Variants in PKP1 observed in about 807,000 individuals in gnomAD.
The protein encoded by PKP1 is plakophilin-1.
PKP1 carries 27 observed loss-of-function variants against 76.4 expected under a neutral mutation model. The ratio of observed to expected loss-of-function variants is 0.35; its 90% CI spans 0.26 to 0.49. The LOEUF (loss-of-function observed/expected upper bound fraction) is 0.49. Among genes scored for constraint, PKP1 ranks in the 20% least tolerant of loss-of-function variants. PKP1 has a pLI of 0.99. For missense variants in PKP1, 964 were observed against 955.2 expected (o/e 1.01, Z -0.12); for synonymous variants, 404 against 384.2 (o/e 1.05, Z -0.60).
At chr1:201,298,861 C>T (rs184572945) in intron 2 of PKP1, among the ~76,000 whole-genome samples, 1 of 152,270 alleles carries the variant, frequency 6.6e-6, no homozygotes, top group East Asian at 1.9e-4. Flanking sequence ...GGGCCCTTAC[C>T]CTAAGGAGAA....
intron 1 of PKP1, among the ~76,000 whole-genome samples, chr1:201,285,101 C>T (rs1655688135): frequency 6.6e-6 from 1 of 152,070 alleles, no homozygotes; most frequent in Non-Finnish European, 1.5e-5. Flanking sequence ...AGACTTTACC[C>T]ATTACCAAAC....
intron 1 of PKP1, among the ~76,000 whole-genome samples, chr1:201,290,308 G>A (rs1344062176): frequency 6.6e-6 from 1 of 152,172 alleles, no homozygotes; most frequent in African/African-American, 2.4e-5. Flanking sequence ...GGTTCTGTGG[G>A]TGGGCAGATG....
chr1:201,318,350 CG>C (rs1415551981), intron 5 of PKP1, among the ~76,000 whole-genome samples: 5 of 152,216 alleles, frequency 3.3e-5, no homozygotes, highest in African/African-American at 1.2e-4. Context: ...ATCAATCAAA[CG>C]TTTTTTGATC....
chr1:201,303,208 G>C (rs1450976001), intron 2 of PKP1, among the ~76,000 whole-genome samples: 1 of 152,180 alleles, frequency 6.6e-6, no homozygotes, highest in Non-Finnish European at 1.5e-5. Flanking sequence ...TTTAGAGACA[G>C]GGTCTCACTA....
In PKP1 at chr1:201,323,054, C is replaced by A. The variant is rs1288395101; in HGVS notation, c.1545C>A (p.Asn515Lys). 6 of 1,614,052 alleles carry A rather than the reference C, an allele frequency of 3.7e-6. No homozygotes were observed. The African/African-American group carries it at 5.3e-5, about 14-fold the overall frequency. Residue 515 changes from asparagine (N) to lysine (K), a missense_variant, in exon 9 of 14, where the codon AAC (asparagine) becomes AAA (lysine). By Grantham distance (94) the Asn-to-Lys change is moderately conservative. Coordinates refer to ENST00000367324, the MANE Select transcript of PKP1 (RefSeq NM_001005337.3). ...GCCCCCTGCCTGAGGAAGAGACCAA[C>A]CCCAAGGGCAGCGGCTGGTTGTACC... The part of the protein sequence containing the change: ...YDCPLPEEET[N>K]PKGSGWLYHS...
At chr1:201,312,689 C>T (rs1051271598) in intron 2 of PKP1, among the ~76,000 whole-genome samples, 8 of 152,164 alleles carry the variant, frequency 5.3e-5, no homozygotes, top group Admixed American at 3.3e-4. Context: ...ATATTTAGAC[C>T]CGTTCTGTGT....
intron 2 of PKP1, among the ~76,000 whole-genome samples, chr1:201,302,285 C>A (rs1558185936): frequency 6.6e-6 from 1 of 152,096 alleles, no homozygotes; most frequent in Non-Finnish European, 1.5e-5. Flanking sequence ...CCTGTGACCT[C>A]ACAGATAGAT....
rs182813491 is a variant in PKP1, at chr1:201,310,232, T to C, written c.307-2934T>C. Among the ~76,000 whole-genome samples the C allele has an allele frequency of 2.6e-5, 4 of 152,356 alleles. No homozygotes were observed. In the East Asian group the frequency reaches 5.8e-4, roughly 22 times the overall value. On this transcript the variant is annotated intron_variant, in intron 2 of 13. Transcript: ENST00000367324. ...TGTCCCTACCGAGCAAACACTCATA[T>C]CGTGGACTGTCCTGAGTGCTTTACT... is the stretch of plus-strand genomic sequence containing the variant.
Position 201,313,612 on chromosome 1 carries a change from C to T in PKP1, c.701+52C>T, listed in dbSNP as rs1209346571. The T allele has an allele frequency of 3.2e-6, 5 of 1,569,350 alleles. No homozygotes were observed. The South Asian group carries it at 4.7e-5, about 15-fold the overall frequency. On this transcript the variant is annotated intron_variant, in intron 3 of 13. Coordinates refer to ENST00000367324, the MANE Select transcript of PKP1 (RefSeq NM_001005337.3). ...AGCCAGGAGGGCCAGTGGGGAGACA[C>T]ACCCTTAGCCTGACTGCACCCTGCA...
intron 9 of PKP1, 92 bp from the exon 10 acceptor site, chr1:201,324,336 G>A: frequency 7.5e-7 from 1 of 1,325,890 alleles, no homozygotes. Flanking sequence ...AGGGTTCTGG[G>A]ATGTCTGCCT....
intron 1 of PKP1, among the ~76,000 whole-genome samples, chr1:201,289,398 T>C (rs1017443656): frequency 2.0e-5 from 3 of 152,168 alleles, no homozygotes; most frequent in Admixed American, 6.5e-5. Flanking sequence ...AAAAGTAGAA[T>C]ATGCTAGAAG....
At position 201,283,935 on chromosome 1, in the gene PKP1, G is replaced by A. The variant is rs373755172; in HGVS notation, c.202+31G>A. The A allele has an allele frequency of 4.3e-5, 68 of 1,594,494 alleles. No homozygotes were observed. In the African/African-American group the frequency reaches 6.4e-4, roughly 15 times the overall value. On this transcript the variant is annotated intron_variant, in intron 1 of 13. Coordinates refer to ENST00000367324, the MANE Select transcript of PKP1 (RefSeq NM_001005337.3). ...GGCTCGGCCCCCGCGTGGTCCGTGC[G>A]CCCCTTTCCAGAGCACCCTGGCCCA...
chr1:201,323,206 C>T lies in PKP1; in HGVS notation c.1680+17C>T, dbSNP rs1779287. 1.1e-5 allele frequency: 17 copies of T among 1,611,114 alleles called. No homozygotes were observed. Among genetic ancestry groups the T allele is most frequent in the Non-Finnish European group, 1.4e-5 (16 of 1,178,038 alleles). ...AAGGGGCTGGTGAGTGGGACTGTAC[C>T]TTCTCTACTGCAGCAGCCCCATCCT... On this transcript the variant is annotated intron_variant, in intron 9 of 13. Coordinates refer to ENST00000367324, the MANE Select transcript of PKP1 (RefSeq NM_001005337.3).
chr1:201,324,103 G>A (rs187979719), intron 9 of PKP1, among the ~76,000 whole-genome samples: 99 of 152,304 alleles, frequency 6.5e-4, no homozygotes, highest in East Asian at 6.2e-3. Flanking sequence ...TGGGGGCAGC[G>A]CTGAGACAGT....
At chr1:201,320,134 C>T (rs1217797851) in intron 6 of PKP1, 133 bp from the exon 7 acceptor site, 14 of 714,610 alleles carry the variant, frequency 2.0e-5, no homozygotes, top group Non-Finnish European at 2.8e-5. Context: ...TCCACCCCGT[C>T]GTCTCCTCTC....
At chr1:201,317,050 C>A (rs185350348) in intron 4 of PKP1, among the ~76,000 whole-genome samples, 1 of 152,208 alleles carries the variant, frequency 6.6e-6, no homozygotes, top group Non-Finnish European at 1.5e-5. Context: ...CTCTCTCCCA[C>A]TCCCCTTCTC....
At position 201,323,202 on chromosome 1, in the gene PKP1, G is replaced by A; in HGVS notation, c.1680+13G>A. On this transcript the variant is annotated intron_variant, in intron 9 of 13. Transcript: ENST00000367324. The stretch of plus-strand genomic sequence containing the variant: ...CAGCAAGGGGCTGGTGAGTGGGACT[G>A]TACCTTCTCTACTGCAGCAGCCCCA... 1 of 1,612,154 alleles carries A rather than the reference G, an allele frequency of 6.2e-7. No homozygotes were observed. Among genetic ancestry groups the A allele is most frequent in the Non-Finnish European group, 8.5e-7 (1 of 1,178,750 alleles).
At position 201,320,279 on chromosome 1, in the gene PKP1, G is replaced by C. The variant is rs549469200; in HGVS notation, c.1245G>C (p.Ser415=). ...TTCTCTCCCCCAGGAACCTGAGCTC[G>C]GCCGATGCAGGCCGCCAGACCATGC... The part of the protein sequence containing the change: ...NATGCLRNLS[S]ADAGRQTMRN... The change falls in exon 7 of 14, where the codon TCG becomes TCC. Residue 415 remains serine, a synonymous_variant. Transcript: ENST00000367324. 1.2e-6 allele frequency: 2 copies of C among 1,612,576 alleles called. No individual in the cohort carries two copies. The highest frequency in any genetic ancestry group is 4.5e-5 in the East Asian group (2 of 44,822).
At chr1:201,316,142 G>GGACGGACGGACA (rs1656735958) in intron 3 of PKP1, 2 of 76,282 alleles carry the variant, frequency 2.6e-5, no homozygotes, top group South Asian at 8.9e-4. Flanking sequence ...ACGGACGGAT[G>GGACGGACGGACA]GACGGACGGA....
Sources: allele counts gnomAD v4.1 joint callset (sites outside exome capture counted in the v4.1 genomes callset), GRCh38; gene constraint gnomAD v4.1.1; transcripts MANE v1.5; gene names NCBI Gene and HGNC (gene_info 2026-07-23, HGNC 2026-07-21).